Variants in ABR observed in about 807,000 individuals in gnomAD.
ABR encodes the protein ABR activator of RhoGEF and GTPase.
A neutral mutation model predicts 107.2 loss-of-function variants in ABR; 35 were observed. The observed-to-expected ratio is 0.33, with a 90% confidence interval of 0.25 to 0.43. ABR has a LOEUF of 0.43. Ranked by LOEUF, ABR falls within the 20% of genes least tolerant of loss-of-function variation. The pLI, the probability that ABR is intolerant of heterozygous loss-of-function variation, is 1.00. For missense variants in ABR, 815 were observed against 1,115.2 expected (o/e 0.73, Z 3.83); for synonymous variants, 498 against 462.0 (o/e 1.08, Z -1.00).
chr17:1,012,102 G>A (rs267605107), intron 18 of ABR, 117 bp from the exon 19 acceptor site: 10 of 1,534,168 alleles, frequency 6.5e-6, no homozygotes, highest in African/African-American at 1.4e-5. Flanking sequence ...TGGAGAGCTG[G>A]GGCGGGGGCA....
chr17:1,012,017 A>G (rs756292824), intron 18 of ABR, 32 bp from the exon 19 acceptor site: 65 of 1,609,166 alleles, frequency 4.0e-5, no homozygotes, highest in Admixed American at 2.7e-4. Context: ...GGTGGAGGGC[A>G]GCCCCCACGA....
chr17:1,125,219 G>A lies in ABR; in HGVS notation c.210C>T (p.Gly70=), dbSNP rs369937798. The change falls in exon 2 of 23, where the codon GGC becomes GGT. Residue 70 remains glycine, a synonymous_variant. Transcript: ENST00000302538. ...LSARSQGGGD[G]VSPTPPEGLA... is the part of the protein sequence containing the mutation. ...GTCCCTCAGGTGGAGTCGGGGAGAC[G>A]CCATCCCCCCCGCCCTGGCTGCGGG... is the stretch of plus-strand genomic sequence containing the variant. The A allele has an allele frequency of 5.4e-5, 87 of 1,604,804 alleles. No individual in the cohort carries two copies. The highest frequency in any genetic ancestry group is 3.1e-4 in the African/African-American group (23 of 74,676).
Position 1,072,728 on chromosome 17 carries a change from G to A in ABR, c.780C>T (p.Asp260=). The part of the protein sequence containing the change: ...LHDLLKHTPV[D]HPDYPLLQDA... Reference sequence around the variant, plus strand: ...CCTGCAGCAGCGGGTAGTCGGGGTGGTCCACAGGTGTGTGCTTCAGCAGGT... The same window carrying A: ...CCTGCAGCAGCGGGTAGTCGGGGTGATCCACAGGTGTGTGCTTCAGCAGGT... The change falls in exon 8 of 23, where the codon GAC becomes GAT. Residue 260 remains aspartate, a synonymous_variant. Transcript: ENST00000302538. The A allele has an allele frequency of 1.2e-6, 2 of 1,613,636 alleles. No homozygotes were observed. Among genetic ancestry groups the A allele is most frequent in the Non-Finnish European group, 1.7e-6 (2 of 1,179,874 alleles).
chr17:1,173,178 A>AC (rs2041797505), intron 1 of ABR, among the ~76,000 whole-genome samples: 1 of 20,722 alleles, frequency 4.8e-5, no homozygotes, highest in Non-Finnish European at 9.0e-5. Flanking sequence ...CAGTCCACCC[A>AC]ACACATCACC....
At chr17:1,058,591 G>T (rs917038735) in intron 11 of ABR, among the ~76,000 whole-genome samples, 154 bp downstream of exon 11, 2 of 152,212 alleles carry the variant, frequency 1.3e-5, no homozygotes, top group African/African-American at 4.8e-5. Context: ...CCACACGAGA[G>T]GGGAGAGCGA....
chr17:1,104,825 T>C (rs1397814176), intron 2 of ABR, among the ~76,000 whole-genome samples: 1 of 152,194 alleles, frequency 6.6e-6, no homozygotes, highest in Non-Finnish European at 1.5e-5. Flanking sequence ...CCCTCTCTCC[T>C]GAAGGGTGGA....
At position 1,052,082 on chromosome 17, in the gene ABR, A is replaced by C. The variant is rs555006295; in HGVS notation, c.1562-1448T>G. On this transcript the variant is annotated intron_variant, in intron 14 of 22. Coordinates refer to ENST00000302538, the MANE Select transcript of ABR (RefSeq NM_021962.5). ...AAGTGACTCTTTCTCAAAAAAAAAA[A>C]AACCAAAAAAACCAGCTTTCCTGCA... Among the ~76,000 whole-genome samples, 12 of 151,826 alleles carry C rather than the reference A, an allele frequency of 7.9e-5. No homozygotes were observed. In the East Asian group the frequency reaches 1.4e-3, roughly 17 times the overall value.
chr17:1,021,792 GAA>G (rs35845220), intron 16 of ABR, among the ~76,000 whole-genome samples: 5 of 129,068 alleles, frequency 3.9e-5, no homozygotes, highest in African/African-American at 8.7e-5. Context: ...CCTGGCGGCA[GAA>G]AAAAAAAAAA....
rs1338397260 is a variant in ABR, at chr17:1,179,769, T to G, written c.-42A>C. On this transcript the variant is annotated 5_prime_UTR_variant, in exon 1 of 23. An upstream start codon of the reference 5' UTR is lost. Coordinates refer to ENST00000302538, the MANE Select transcript of ABR (RefSeq NM_021962.5). The surrounding 1 kb of genome is among the most constrained non-coding windows in gnomAD (Gnocchi z 4.9). ...GGTCAGATCCGAAACCCGACCCTCATCGCGCAACAAAGGAGGGAGAGCGGG... is the reference window on the plus strand; with the variant it reads ...GGTCAGATCCGAAACCCGACCCTCAGCGCGCAACAAAGGAGGGAGAGCGGG... 3 of 499,146 alleles carry G rather than the reference T, an allele frequency of 6.0e-6. No individual in the cohort carries two copies. The highest frequency in any genetic ancestry group is 1.9e-5 in the South Asian group (1 of 52,778). The allele number at this position is 499,146 out of a possible 1,614,324, so 30.9% of individuals were successfully genotyped here. A position where few individuals can be genotyped will look rare whatever the true frequency, so the allele number is the denominator to read the frequency against.
chr17:1,058,900 C>T (rs372409586), intron 10 of ABR, 33 bp from the exon 11 acceptor site: 4 of 1,612,122 alleles, frequency 2.5e-6, no homozygotes, highest in Non-Finnish European at 3.4e-6. Flanking sequence ...GGGTTCCCCT[C>T]ACACTCGGGC....
In ABR at chr17:1,070,460, G is replaced by A. The variant is rs1353715475; in HGVS notation, c.895-370C>T. On this transcript the variant is annotated intron_variant, in intron 8 of 22. Coordinates refer to ENST00000302538, the MANE Select transcript of ABR (RefSeq NM_021962.5). This position sits in a 1 kb window ranked among gnomAD's most constrained non-coding sequence, Gnocchi z 4.2. Reference sequence around the variant, plus strand: ...CACGGGGCTCTCCGCGGCTAACCCTGGAGCCCCCTGCCCGGGACGACCTGG... The same window carrying A: ...CACGGGGCTCTCCGCGGCTAACCCTAGAGCCCCCTGCCCGGGACGACCTGG... Among the ~76,000 whole-genome samples the A allele has an allele frequency of 6.6e-6, 1 of 152,148 alleles. No individual in the cohort carries two copies. The highest frequency in any genetic ancestry group is 1.5e-5 in the Non-Finnish European group (1 of 68,024).
At position 1,119,956 on chromosome 17, in the gene ABR, G is replaced by C. The variant is rs75330780; in HGVS notation, c.246+5227C>G. On this transcript the variant is annotated intron_variant, in intron 2 of 22. Transcript: ENST00000302538. ...CGGGGTACAATGCCTATTCGCAGGC[G>C]TGATCCTAGCACCTCTCAGCCTCCA... Among the ~76,000 whole-genome samples the C allele has an allele frequency of 3.3e-3, 499 of 152,266 alleles. 5 individuals carry two copies. The highest frequency in any genetic ancestry group is 3.5e-3 in the Non-Finnish European group (236 of 68,030).
Position 1,024,990 on chromosome 17 carries a change from G to A in ABR, c.1792-11826C>T, listed in dbSNP as rs561444872. Among the ~76,000 whole-genome samples the A allele has an allele frequency of 6.7e-5, 10 of 148,932 alleles. No individual in the cohort carries two copies. In the South Asian group the frequency reaches 8.6e-4, roughly 13 times the overall value. On this transcript the variant is annotated intron_variant, in intron 16 of 22. Transcript: ENST00000302538. ...CAAAAAATTAGCTGGGCGAGGTGGC[G>A]GGCGCCTGTAGTCCCAGCTACTCGG...
chr17:1,013,247 G>GC (rs2070794118), intron 16 of ABR, 83 bp from the exon 17 acceptor site: 1 of 1,319,536 alleles, frequency 7.6e-7, no homozygotes, highest in African/African-American at 1.5e-5. Flanking sequence ...ACTGCTCAGA[G>GC]CCAGCTACAC....
intron 2 of ABR, among the ~76,000 whole-genome samples, chr17:1,102,459 C>T (rs926673293): frequency 3.9e-5 from 6 of 152,196 alleles, no homozygotes; most frequent in Admixed American, 6.5e-5. Context: ...CAGGGGCTTC[C>T]GATCTTTTGG....
At chr17:1,017,546 T>C (rs1023964272) in intron 16 of ABR, among the ~76,000 whole-genome samples, 2 of 147,988 alleles carry the variant, frequency 1.4e-5, no homozygotes, top group Non-Finnish European at 3.0e-5. Flanking sequence ...CTCGGCTGAC[T>C]GCAACCCGTC....
intron 6 of ABR, among the ~76,000 whole-genome samples, chr17:1,075,783 T>C (rs2035653527): frequency 6.6e-6 from 1 of 152,250 alleles, no homozygotes; most frequent in African/African-American, 2.4e-5. Flanking sequence ...GGCTCACGCC[T>C]GTAATCCCAG....
At chr17:1,131,279 A>C (rs1597920942) in intron 1 of ABR, among the ~76,000 whole-genome samples, 1 of 21,540 alleles carries the variant, frequency 4.6e-5, no homozygotes, top group African/African-American at 2.0e-4. Context: ...CCCTTTGCAC[A>C]CCAAATGCAG....
rs114802605 is a variant in ABR, at chr17:1,129,674, C to T, written c.62-4307G>A. ...TACATAAAAAATAAGATGGGCTGAA[C>T]GCGGTGGCTCACACCTGTAATCCCA... On this transcript the variant is annotated intron_variant, in intron 1 of 22. Coordinates refer to ENST00000302538, the MANE Select transcript of ABR (RefSeq NM_021962.5). Among the ~76,000 whole-genome samples the T allele has an allele frequency of 2.9e-3, 449 of 152,264 alleles. 4 individuals are homozygous for T. Among genetic ancestry groups the T allele is most frequent in the African/African-American group, 9.9e-3 (410 of 41,550 alleles).
Sources: gnomAD v4.1 joint callset for allele counts (sites outside exome capture counted in the v4.1 genomes callset) on GRCh38, gnomAD v4.1.1 for gene constraint, Gnocchi (gnomAD v3.1) non-coding constraint, MANE v1.5 for transcripts, NCBI Gene and HGNC (gene_info 2026-07-23, HGNC 2026-07-21) for gene names.